The following EPHA6 variants were observed in gnomAD, a reference collection of about 807,000 sequenced individuals.
The protein encoded by EPHA6 is EPH receptor A6.
A neutral mutation model predicts 112.0 loss-of-function variants in EPHA6; 50 were observed. That is an observed-to-expected ratio of 0.45 (90% CI 0.36 to 0.56). The LOEUF is 0.56. Ranked by LOEUF, EPHA6 falls within the 20% of genes least tolerant of loss-of-function variation. The pLI, the probability that EPHA6 is intolerant of heterozygous loss-of-function variation, is 0.00. For synonymous variants in EPHA6, 529 were observed against 490.7 expected (o/e 1.08, Z -1.03); for missense variants, 1,280 against 1,417.4 (o/e 0.90, Z 1.56).
intron 3 of EPHA6, among the ~76,000 whole-genome samples, chr3:97,137,254 C>T (rs2075789082): frequency 6.6e-6 from 1 of 152,126 alleles, no homozygotes; most frequent in Admixed American, 6.5e-5. Context: ...TACAGAGTTC[C>T]TGCATCTTAT....
At chr3:97,295,116 T>G (rs1412647580) in intron 5 of EPHA6, among the ~76,000 whole-genome samples, 2 of 152,204 alleles carry the variant, frequency 1.3e-5, no homozygotes, top group Non-Finnish European at 2.9e-5. Flanking sequence ...GATGATTAAA[T>G]ATTTTGCTAG....
intron 2 of EPHA6, among the ~76,000 whole-genome samples, chr3:96,915,541 T>A (rs997611754): frequency 6.6e-6 from 1 of 152,100 alleles, no homozygotes; most frequent in African/African-American, 2.4e-5. Flanking sequence ...CTGACAGTTA[T>A]TTATTGTTAT....
intron 3 of EPHA6, among the ~76,000 whole-genome samples, chr3:97,221,090 C>T (rs889790124): frequency 8.6e-5 from 13 of 151,526 alleles, no homozygotes; most frequent in East Asian, 1.9e-4. Context: ...CCAAGGCAGG[C>T]GGATCACAAA....
At chr3:96,919,843 A>T (rs553247434) in intron 2 of EPHA6, among the ~76,000 whole-genome samples, 2 of 151,764 alleles carry the variant, frequency 1.3e-5, no homozygotes, top group Admixed American at 6.6e-5. Context: ...ACAGGAGGAG[A>T]AAAGGAGTGC....
At chr3:97,260,858 G>A (rs1484354599) in intron 5 of EPHA6, among the ~76,000 whole-genome samples, 1 of 152,174 alleles carries the variant, frequency 6.6e-6, no homozygotes. Flanking sequence ...ATAAATGCCA[G>A]TCACAGCATT....
At chr3:96,873,882 C>G (rs1454171596) in intron 2 of EPHA6, among the ~76,000 whole-genome samples, 1 of 152,100 alleles carries the variant, frequency 6.6e-6, no homozygotes, top group Non-Finnish European at 1.5e-5. Context: ...TTCAGCATTT[C>G]AGCATTTTAC....
rs190439060 is a variant in EPHA6, at chr3:97,732,028, A to G, written c.2935-3897A>G. Among the ~76,000 whole-genome samples the G allele has an allele frequency of 1.9e-3, 292 of 152,026 alleles. 4 individuals carry two copies. Among genetic ancestry groups the G allele is most frequent in the Admixed American group, 0.018 (269 of 15,246 alleles). On this transcript the variant is annotated intron_variant, in intron 15 of 17. Transcript: ENST00000389672. ...CCTGGATCCTTTGACTCCCCAGTGCACTCTCCGCACTGCAGCCACAGTGAG... is the reference window on the plus strand; with the variant it reads ...CCTGGATCCTTTGACTCCCCAGTGCGCTCTCCGCACTGCAGCCACAGTGAG...
chr3:97,451,654 C>T (rs2090533760), intron 7 of EPHA6, among the ~76,000 whole-genome samples: 1 of 149,510 alleles, frequency 6.7e-6, no homozygotes, highest in African/African-American at 2.5e-5. Context: ...TGTTTATACC[C>T]AGGAGAGAAT....
chr3:97,515,413 A>G (rs936497881), intron 10 of EPHA6, among the ~76,000 whole-genome samples: 1 of 152,230 alleles, frequency 6.6e-6, no homozygotes, highest in African/African-American at 2.4e-5. Flanking sequence ...CTGAGATTCG[A>G]AGACATTGAG....
intron 3 of EPHA6, among the ~76,000 whole-genome samples, chr3:97,139,435 T>C (rs973792223): frequency 2.0e-5 from 3 of 152,056 alleles, no homozygotes; most frequent in Admixed American, 2.0e-4. Context: ...CTGACAGAAG[T>C]GCAGGGAACA....
intron 1 of EPHA6, among the ~76,000 whole-genome samples, chr3:96,817,791 A>G (rs2032917965): frequency 6.6e-6 from 1 of 151,954 alleles, no homozygotes; most frequent in Non-Finnish European, 1.5e-5. Flanking sequence ...ATACATAAGC[A>G]AGGTAAAATG....
chr3:96,978,997 G>A (rs2042643417), intron 2 of EPHA6, among the ~76,000 whole-genome samples: 1 of 152,012 alleles, frequency 6.6e-6, no homozygotes, highest in Non-Finnish European at 1.5e-5. Context: ...TGTTGAACAT[G>A]GTTAATGCTT....
intron 1 of EPHA6, among the ~76,000 whole-genome samples, chr3:96,862,272 G>A (rs746858991): frequency 7.4e-4 from 113 of 151,976 alleles, no homozygotes; most frequent in South Asian, 2.3e-3. Context: ...GAGTGTTACA[G>A]TTAGTGGAAC....
chr3:97,142,273 A>G (rs1441449144), intron 3 of EPHA6, among the ~76,000 whole-genome samples: 1 of 151,968 alleles, frequency 6.6e-6, no homozygotes, highest in African/African-American at 2.4e-5. Flanking sequence ...CAGTTTTTAT[A>G]TTTTATTTTC....
intron 6 of EPHA6, among the ~76,000 whole-genome samples, chr3:97,406,964 A>G (rs908303653): frequency 2.0e-5 from 3 of 152,158 alleles, no homozygotes; most frequent in Non-Finnish European, 2.9e-5. Flanking sequence ...AGCAATGTGC[A>G]TATATATACA....
chr3:97,707,447 C>T (rs1009684357), intron 14 of EPHA6, among the ~76,000 whole-genome samples: 4 of 152,094 alleles, frequency 2.6e-5, no homozygotes, highest in Non-Finnish European at 5.9e-5. Flanking sequence ...TATAGGCAGG[C>T]ATAAGAGGAA....
chr3:96,915,649 T>C lies in EPHA6; in HGVS notation c.450+48760T>C, dbSNP rs1413947041. On this transcript the variant is annotated intron_variant, in intron 2 of 17. Coordinates refer to ENST00000389672, the MANE Select transcript of EPHA6 (RefSeq NM_001080448.3). ...CAGTGAGTCAGGGTTTAAATAAAAA[T>C]ATGCGTCATTCTAATACATGCCTTT... Among the ~76,000 whole-genome samples the C allele has an allele frequency of 3.3e-5, 5 of 152,222 alleles. No homozygotes were observed. In the South Asian group the frequency reaches 1.0e-3, roughly 32 times the overall value.
chr3:97,306,429 C>A (rs2081322995), intron 5 of EPHA6, among the ~76,000 whole-genome samples: 1 of 151,552 alleles, frequency 6.6e-6, no homozygotes, highest in Non-Finnish European at 1.5e-5. Context: ...TCTGGGAAGA[C>A]CCCAGCAGGG....
intron 3 of EPHA6, among the ~76,000 whole-genome samples, chr3:97,132,768 G>T (rs996322471): frequency 1.3e-5 from 2 of 152,002 alleles, no homozygotes; most frequent in African/African-American, 4.8e-5. Flanking sequence ...AAAAAGTGTG[G>T]CTCTGAGTAG....
Sources: allele counts gnomAD v4.1 joint callset (sites outside exome capture counted in the v4.1 genomes callset), GRCh38; gene constraint gnomAD v4.1.1; transcripts MANE v1.5; gene names NCBI Gene and HGNC (gene_info 2026-07-23, HGNC 2026-07-21).